The following CERS6 variants were observed in gnomAD, a reference collection of about 807,000 sequenced individuals.
CERS6 encodes LAG1 homolog, ceramide synthase 6.
A neutral mutation model predicts 56.8 loss-of-function variants in CERS6; 26 were observed. The observed-to-expected ratio is 0.46, with a 90% CI of 0.34 to 0.63. The LOEUF (loss-of-function observed/expected upper bound fraction) is 0.63, where lower values mean the gene tolerates loss of function less well. CERS6 is among the 30% of genes least tolerant of loss of function. CERS6 has a pLI of 0.01. For synonymous variants in CERS6, 164 were observed against 173.3 expected (o/e 0.95, Z 0.42); for missense variants, 415 against 467.5 (o/e 0.89, Z 1.04).
At chr2:168,702,941 TA>T (rs1333631730) in intron 6 of CERS6, among the ~76,000 whole-genome samples, 1 of 152,196 alleles carries the variant, frequency 6.6e-6, no homozygotes, top group African/African-American at 2.4e-5. Flanking sequence ...TATACACAGT[TA>T]TGAGAATCCA....
chr2:168,517,739 G>A (rs1359362134), intron 1 of CERS6, among the ~76,000 whole-genome samples: 1 of 151,964 alleles, frequency 6.6e-6, no homozygotes, highest in Non-Finnish European at 1.5e-5. Context: ...TTTTTTCTTG[G>A]AACTGGAATT....
chr2:168,538,693 C>T (rs922995491), intron 1 of CERS6, among the ~76,000 whole-genome samples: 3 of 152,226 alleles, frequency 2.0e-5, no homozygotes, highest in Non-Finnish European at 4.4e-5. Context: ...TTCACTGCAG[C>T]ATCCCCAACA....
chr2:168,680,317 CCTT>C (rs1304428132), intron 4 of CERS6, among the ~76,000 whole-genome samples: 3 of 152,200 alleles, frequency 2.0e-5, no homozygotes, highest in African/African-American at 4.8e-5. Context: ...GGGCATCTCA[CCTT>C]CTCAGCTGAA....
At chr2:168,532,316 G>A (rs574569666) in intron 1 of CERS6, among the ~76,000 whole-genome samples, 1 of 152,218 alleles carries the variant, frequency 6.6e-6, no homozygotes, top group South Asian at 2.1e-4. Context: ...GAGAAGTTCT[G>A]TGGTGTCTCC....
intron 4 of CERS6, among the ~76,000 whole-genome samples, chr2:168,645,176 G>GAA (rs1559034182): frequency 2.4e-5 from 3 of 125,582 alleles, no homozygotes; most frequent in African/African-American, 9.3e-5. Context: ...GAGAGAGAGA[G>GAA]AGAGAGAGAG....
intron 3 of CERS6, among the ~76,000 whole-genome samples, chr2:168,610,618 T>A (rs1306255481): frequency 2.0e-5 from 3 of 152,144 alleles, no homozygotes; most frequent in Admixed American, 1.3e-4. Flanking sequence ...CCTATGAAAA[T>A]TCTATGCTTC....
intron 3 of CERS6, among the ~76,000 whole-genome samples, chr2:168,596,334 G>A (rs1027491108): frequency 2.6e-5 from 4 of 151,878 alleles, no homozygotes; most frequent in East Asian, 1.9e-4. Context: ...GTGTGTGGGC[G>A]GGGGATTGGG....
chr2:168,592,630 G>A (rs949811148), intron 3 of CERS6, among the ~76,000 whole-genome samples: 1 of 152,098 alleles, frequency 6.6e-6, no homozygotes, highest in African/African-American at 2.4e-5. Context: ...CAGGAACAGT[G>A]GAAGCTCACT....
chr2:168,522,918 A>G (rs1363809189), intron 1 of CERS6, among the ~76,000 whole-genome samples: 1 of 152,198 alleles, frequency 6.6e-6, no homozygotes, highest in African/African-American at 2.4e-5. Context: ...GTGTTTTCTA[A>G]CTACTCAAGT....
chr2:168,689,936 A>G (rs1686455870), intron 4 of CERS6, among the ~76,000 whole-genome samples: 2 of 152,148 alleles, frequency 1.3e-5, no homozygotes, highest in South Asian at 4.1e-4. Context: ...AGAGAGTCTG[A>G]GTTTGATTTT....
intron 3 of CERS6, among the ~76,000 whole-genome samples, chr2:168,624,922 A>G (rs1450603555): frequency 6.6e-6 from 1 of 152,152 alleles, no homozygotes; most frequent in Non-Finnish European, 1.5e-5. Flanking sequence ...TTTTAAAGTA[A>G]CACTAGATTG....
intron 1 of CERS6, among the ~76,000 whole-genome samples, chr2:168,535,719 A>T (rs1277560683): frequency 2.1e-5 from 2 of 96,276 alleles, no homozygotes; most frequent in East Asian, 3.1e-4. Context: ...TCATATGTCT[A>T]TTGGTCATTT....
chr2:168,478,227 G>T (rs978362330), intron 1 of CERS6, among the ~76,000 whole-genome samples: 1 of 152,094 alleles, frequency 6.6e-6, no homozygotes, highest in Non-Finnish European at 1.5e-5. Flanking sequence ...TCTGAGAGCT[G>T]AGCAGTGAGA....
intron 3 of CERS6, among the ~76,000 whole-genome samples, chr2:168,600,190 T>TTCTC (rs10651781): frequency 0.054 from 7,412 of 137,894 alleles, 605 homozygotes; most frequent in African/African-American, 0.18. Flanking sequence ...ACTACCATAT[T>TTCTC]TCTCTCTCTC....
Position 168,484,466 on chromosome 2 carries a change from G to A in CERS6, c.170+27848G>A, listed in dbSNP as rs1204153620. ...AAAGTGTTGGGATTACAGGCGTTGA[G>A]CCACTGTGCTTCGCTTTGTTTTTTT... is the stretch of plus-strand genomic sequence containing the variant. On this transcript the variant is annotated intron_variant, in intron 1 of 9. Coordinates refer to ENST00000305747, the MANE Select transcript of CERS6 (RefSeq NM_203463.3). 4.6e-5 allele frequency among the ~76,000 whole-genome samples: 7 copies of A among 151,560 alleles called. No individual in the cohort carries two copies. In the South Asian group the frequency reaches 1.0e-3, roughly 23 times the overall value.
chr2:168,549,363 G>A (rs548814686), intron 2 of CERS6, among the ~76,000 whole-genome samples: 20 of 152,262 alleles, frequency 1.3e-4, no homozygotes, highest in Non-Finnish European at 2.5e-4. Context: ...TTGGCTGGGC[G>A]TGGTGGCTCA....
intron 2 of CERS6, among the ~76,000 whole-genome samples, chr2:168,552,737 T>G (rs1472028349): frequency 6.6e-6 from 1 of 152,140 alleles, no homozygotes; most frequent in Non-Finnish European, 1.5e-5. Context: ...TCCATCTCCC[T>G]TCATGGCAGC....
At chr2:168,536,115 G>T (rs1695258974) in intron 1 of CERS6, among the ~76,000 whole-genome samples, 1 of 152,198 alleles carries the variant, frequency 6.6e-6, no homozygotes, top group Non-Finnish European at 1.5e-5. Context: ...TCAAGTGGCA[G>T]AGATAATGCA....
intron 8 of CERS6, among the ~76,000 whole-genome samples, chr2:168,727,397 A>G (rs188015457): frequency 6.6e-6 from 1 of 152,050 alleles, no homozygotes; most frequent in Non-Finnish European, 1.5e-5. Flanking sequence ...AAAAATACAT[A>G]AATTAGCCGG....
Sources: allele counts gnomAD v4.1 joint callset (sites outside exome capture counted in the v4.1 genomes callset), GRCh38; gene constraint gnomAD v4.1.1; transcripts MANE v1.5; gene names NCBI Gene and HGNC (gene_info 2026-07-23, HGNC 2026-07-21).